Variants in NPTN observed in about 807,000 individuals in gnomAD.
NPTN encodes the protein SDR-1.
A neutral mutation model predicts 42.7 loss-of-function variants in NPTN; 5 were observed. That is an observed-to-expected ratio of 0.12 (90% CI 0.06 to 0.25). The LOEUF (loss-of-function observed/expected upper bound fraction) is 0.25, where lower values mean the gene tolerates loss of function less well. NPTN is among the 10% of genes least tolerant of loss of function. NPTN has a pLI of 1.00. For synonymous variants in NPTN, 180 were observed against 201.9 expected (o/e 0.89, Z 0.92); for missense variants, 307 against 525.4 (o/e 0.58, Z 4.06).
intron 4 of NPTN, among the ~76,000 whole-genome samples, chr15:73,577,292 C>G (rs1393405733): frequency 6.6e-6 from 1 of 152,178 alleles, no homozygotes; most frequent in African/African-American, 2.4e-5. Flanking sequence ...CCCACAATGT[C>G]CCCTATCAGC....
chr15:73,597,071 G>A lies in NPTN; in HGVS notation c.390C>T (p.Asn130=). The part of the protein sequence containing the change: ...NDPKRNDLRQ[N]PSITWIRAQA... ...GGGCTCGAATCCATGTTATGGAGGGGTTTTGCCTCAAGTCATTCCTCTTGG... is the reference window on the plus strand; with the variant it reads ...GGGCTCGAATCCATGTTATGGAGGGATTTTGCCTCAAGTCATTCCTCTTGG... Residue 130 remains asparagine, a synonymous_variant, in exon 2 of 9, where the codon AAC becomes AAT. Coordinates refer to ENST00000345330, the MANE Select transcript of NPTN (RefSeq NM_012428.4). The surrounding 1 kb of genome is among the most constrained non-coding windows in gnomAD (Gnocchi z 6.3). 1 of 1,614,090 alleles carries A rather than the reference G, an allele frequency of 6.2e-7. No individual in the cohort carries two copies. The highest frequency in any genetic ancestry group is 8.5e-7 in the Non-Finnish European group (1 of 1,180,002).
intron 1 of NPTN, among the ~76,000 whole-genome samples, chr15:73,609,373 G>A (rs1897447704): frequency 6.6e-6 from 1 of 152,220 alleles, no homozygotes; most frequent in African/African-American, 2.4e-5. Flanking sequence ...GCTCACGCCT[G>A]TAATCCCAGC....
At chr15:73,581,439 A>G (rs1182218311) in intron 4 of NPTN, among the ~76,000 whole-genome samples, 3 of 152,162 alleles carry the variant, frequency 2.0e-5, no homozygotes, top group Non-Finnish European at 4.4e-5. Flanking sequence ...CTTAGAAGAG[A>G]GTTCTGATCC....
intron 6 of NPTN, chr15:73,568,619 G>T: frequency 1.0e-6 from 1 of 985,464 alleles, no homozygotes; most frequent in Non-Finnish European, 1.2e-6. Flanking sequence ...AGGAGTACAT[G>T]AAATCCCAAA....
At chr15:73,618,019 C>T (rs1033567741) in intron 1 of NPTN, among the ~76,000 whole-genome samples, 1 of 152,240 alleles carries the variant, frequency 6.6e-6, no homozygotes, top group Non-Finnish European at 1.5e-5. Flanking sequence ...AAATTCTATG[C>T]TCCATGGGCA....
intron 5 of NPTN, among the ~76,000 whole-genome samples, chr15:73,572,162 T>C (rs1402706593): frequency 2.0e-5 from 3 of 152,154 alleles, no homozygotes; most frequent in Non-Finnish European, 4.4e-5. Context: ...TGTCATGAAG[T>C]AGGAAGAATA....
chr15:73,623,797 G>C (rs996081265), intron 1 of NPTN, among the ~76,000 whole-genome samples: 1 of 152,112 alleles, frequency 6.6e-6, no homozygotes, highest in Non-Finnish European at 1.5e-5. Flanking sequence ...ACAGTACTAT[G>C]TAAGAAAGAG....
At chr15:73,572,379 T>C (rs1394673218) in intron 5 of NPTN, among the ~76,000 whole-genome samples, 1 of 152,178 alleles carries the variant, frequency 6.6e-6, no homozygotes, top group African/African-American at 2.4e-5. Flanking sequence ...TCAACAATCA[T>C]AATGAGAGAG....
chr15:73,582,145 C>T (rs915558172), intron 4 of NPTN, among the ~76,000 whole-genome samples: 4 of 152,148 alleles, frequency 2.6e-5, no homozygotes, highest in African/African-American at 9.7e-5. Context: ...GGCCTTGGTG[C>T]TCACTTTTTA....
Position 73,570,514 on chromosome 15 carries a change from A to C in NPTN, c.841-91T>G, listed in dbSNP as rs1595898908. ...ACACTGCTCTCCGTTCTTTTTAGGC[A>C]CCAGCCAGAATGAGGAAGCAGTGTC... On this transcript the variant is annotated intron_variant, in intron 5 of 8. Coordinates refer to ENST00000345330, the MANE Select transcript of NPTN (RefSeq NM_012428.4). This position sits in a 1 kb window ranked among gnomAD's most constrained non-coding sequence, Gnocchi z 4.0. 2 of 1,179,110 alleles carry C rather than the reference A, an allele frequency of 1.7e-6. No homozygotes were observed. 73.0% of individuals were successfully genotyped at this position (1,179,110 alleles called of 1,614,324 possible). A position where few individuals can be genotyped will look rare whatever the true frequency, so the allele number is the denominator to read the frequency against.
Position 73,592,038 on chromosome 15 carries a change from G to A in NPTN, c.539C>T (p.Thr180Ile), listed in dbSNP as rs777106933. ...CNLTSSSHTL[T>I]YSYWTKNGVE... is the part of the protein sequence containing the mutation. ...CCCATTCTTTGTCCAGTAGCTGTAT[G>A]TAAGGGTGTGAGAGCTGGAGGTGAG... is the stretch of plus-strand genomic sequence containing the variant. The change falls in exon 3 of 9, where the codon ACA becomes ATA. Residue 180 changes from threonine (T) to isoleucine (I), a missense_variant. Thr to Ile is a moderately conservative substitution (Grantham distance 89, BLOSUM62 -1). This residue lies in a region of NPTN where 264 missense variants were observed against 491.1 expected (regional missense o/e 0.54). Transcript: ENST00000345330. 1.2e-6 allele frequency: 2 copies of A among 1,614,132 alleles called. No homozygotes were observed. Among genetic ancestry groups the A allele is most frequent in the East Asian group, 4.5e-5 (2 of 44,882 alleles).
chr15:73,611,393 AAAAACAAAAC>A (rs761839570), intron 1 of NPTN, among the ~76,000 whole-genome samples: 3 of 152,182 alleles, frequency 2.0e-5, no homozygotes, highest in African/African-American at 4.8e-5. Flanking sequence ...TATTCAATGC[AAAAACAAAAC>A]AAAACAAAAC....
At chr15:73,590,867 C>T (rs1896556540) in intron 3 of NPTN, among the ~76,000 whole-genome samples, 1 of 151,996 alleles carries the variant, frequency 6.6e-6, no homozygotes, top group African/African-American at 2.4e-5. Flanking sequence ...TTAATCCTTT[C>T]CAAACTATGA....
At chr15:73,571,416 C>T (rs2141361358) in intron 5 of NPTN, among the ~76,000 whole-genome samples, 1 of 152,306 alleles carries the variant, frequency 6.6e-6, no homozygotes, top group East Asian at 1.9e-4. Flanking sequence ...GGGAACCAGA[C>T]ATCCAAAAAG....
Position 73,569,174 on chromosome 15 carries a change from AAC to A in NPTN, c.1114+974_1114+975del. 1 of 985,472 alleles carries A rather than the reference AAC, an allele frequency of 1.0e-6. No individual in the cohort carries two copies. Among genetic ancestry groups the A allele is most frequent in the Non-Finnish European group, 1.2e-6 (1 of 829,978 alleles). 61.0% of individuals were successfully genotyped at this position (985,472 alleles called of 1,614,324 possible). Reference sequence around the variant, plus strand: ...TAGCCAGGGACAGACTAGTGGTGGTAACAGTCGGCCAATTAATTTCTGTACGC... The same window carrying A: ...TAGCCAGGGACAGACTAGTGGTGGTAAGTCGGCCAATTAATTTCTGTACGC... On this transcript the variant is annotated intron_variant, in intron 6 of 8. Coordinates refer to ENST00000345330, the MANE Select transcript of NPTN (RefSeq NM_012428.4). The surrounding 1 kb of genome is among the most constrained non-coding windows in gnomAD (Gnocchi z 4.1).
intron 1 of NPTN, among the ~76,000 whole-genome samples, chr15:73,605,443 T>C (rs1052507739): frequency 2.0e-5 from 3 of 150,972 alleles, no homozygotes; most frequent in African/African-American, 7.3e-5. Context: ...AATTGGAAAA[T>C]GTAGGTCGGG....
chr15:73,611,758 G>C (rs1193891484), intron 1 of NPTN, among the ~76,000 whole-genome samples: 1 of 152,094 alleles, frequency 6.6e-6, no homozygotes, highest in African/African-American at 2.4e-5. Context: ...TGTGATCTTT[G>C]AGTGATGATG....
At chr15:73,623,962 C>T (rs1399065343) in intron 1 of NPTN, among the ~76,000 whole-genome samples, 1 of 152,178 alleles carries the variant, frequency 6.6e-6, no homozygotes, top group Non-Finnish European at 1.5e-5. Context: ...TAGGCCATTG[C>T]TCTTTGATAC....
intron 4 of NPTN, among the ~76,000 whole-genome samples, chr15:73,582,282 C>T (rs1302235120): frequency 1.3e-5 from 2 of 152,176 alleles, no homozygotes; most frequent in Non-Finnish European, 2.9e-5. Flanking sequence ...TTCCTTCATG[C>T]AACCTATCAA....
Sources: allele counts gnomAD v4.1 joint callset (sites outside exome capture counted in the v4.1 genomes callset), GRCh38; gene constraint gnomAD v4.1.1; regional missense constraint gnomAD v4.1.1; non-coding constraint Gnocchi (gnomAD v3.1); transcripts MANE v1.5; gene names NCBI Gene and HGNC (gene_info 2026-07-23, HGNC 2026-07-21).